Variants in PCDH9 observed in about 807,000 individuals in gnomAD.
The protein encoded by PCDH9 is protocadherin 9.
A neutral mutation model predicts 70.6 loss-of-function variants in PCDH9; 24 were observed. The ratio of observed to expected loss-of-function variants is 0.34; its 90% CI spans 0.25 to 0.48. The LOEUF is 0.48. PCDH9 is among the 20% of genes least tolerant of loss of function. The pLI is 0.99. For synonymous variants in PCDH9, 562 were observed against 558.5 expected (o/e 1.01, Z -0.09); for missense variants, 1,281 against 1,503.6 (o/e 0.85, Z 2.45).
intron 2 of PCDH9, among the ~76,000 whole-genome samples, chr13:66,944,854 T>TGTGA (rs1452250061): frequency 6.6e-6 from 1 of 151,546 alleles, no homozygotes; most frequent in Non-Finnish European, 1.5e-5. Context: ...TGTGTGTGTG[T>TGTGA]GTGATTTAAC....
At chr13:66,934,261 G>A (rs762995354) in intron 2 of PCDH9, among the ~76,000 whole-genome samples, 1 of 152,150 alleles carries the variant, frequency 6.6e-6, no homozygotes, top group Non-Finnish European at 1.5e-5. Context: ...CCCGGGTGCG[G>A]TGACTCCCAT....
intron 2 of PCDH9, among the ~76,000 whole-genome samples, chr13:67,061,405 C>G (rs757677849): frequency 6.6e-6 from 1 of 151,962 alleles, no homozygotes; most frequent in East Asian, 1.9e-4. Flanking sequence ...CTCCCTCTCT[C>G]TCTCTATATA....
chr13:66,808,531 G>C (rs1007839733), intron 3 of PCDH9, among the ~76,000 whole-genome samples: 1 of 151,226 alleles, frequency 6.6e-6, no homozygotes, highest in Non-Finnish European at 1.5e-5. Flanking sequence ...CAAAAAAACA[G>C]AATTAGCACA....
intron 4 of PCDH9, among the ~76,000 whole-genome samples, chr13:66,406,589 A>G (rs1387409684): frequency 6.6e-6 from 1 of 152,198 alleles, no homozygotes; most frequent in African/African-American, 2.4e-5. Context: ...TACTACACAT[A>G]TTCATCTTCG....
chr13:66,960,830 T>C (rs180799896), intron 2 of PCDH9, among the ~76,000 whole-genome samples: 4 of 152,278 alleles, frequency 2.6e-5, no homozygotes, highest in Non-Finnish European at 5.9e-5. Context: ...GTAAAAATCA[T>C]GCTTATTTTG....
At chr13:67,169,984 G>A (rs375805689) in intron 2 of PCDH9, among the ~76,000 whole-genome samples, 3 of 152,098 alleles carry the variant, frequency 2.0e-5, no homozygotes, top group Admixed American at 6.5e-5. Flanking sequence ...TAGAGCATCC[G>A]ATTATAATCC....
chr13:67,120,958 A>G (rs1203788981), intron 2 of PCDH9, among the ~76,000 whole-genome samples: 2 of 152,050 alleles, frequency 1.3e-5, no homozygotes, highest in East Asian at 1.9e-4. Flanking sequence ...ACATTATTCT[A>G]TTGAGAAGAA....
At chr13:67,086,265 T>C (rs907404231) in intron 2 of PCDH9, among the ~76,000 whole-genome samples, 2 of 152,234 alleles carry the variant, frequency 1.3e-5, no homozygotes, top group South Asian at 4.1e-4. Context: ...GGTTTTGTTA[T>C]ATAACATCAG....
intron 3 of PCDH9, among the ~76,000 whole-genome samples, chr13:66,667,434 T>A (rs1477410984): frequency 6.6e-6 from 1 of 152,058 alleles, no homozygotes; most frequent in Admixed American, 6.6e-5. Flanking sequence ...TATTTCCTTA[T>A]TTTTTTTCTC....
At chr13:66,863,322 T>G (rs2081515142) in intron 3 of PCDH9, among the ~76,000 whole-genome samples, 1 of 152,222 alleles carries the variant, frequency 6.6e-6, no homozygotes, top group South Asian at 2.1e-4. Context: ...GAGGATTAAT[T>G]GAGATAATGC....
intron 2 of PCDH9, chr13:67,204,185 A>C (rs1032073646): frequency 1.3e-5 from 2 of 152,150 alleles, no homozygotes; most frequent in Non-Finnish European, 2.9e-5. Flanking sequence ...AAAAGTGGCC[A>C]CAATTTTTGG....
intron 4 of PCDH9, among the ~76,000 whole-genome samples, chr13:66,472,325 T>C (rs1958635597): frequency 6.6e-6 from 1 of 152,012 alleles, no homozygotes; most frequent in Admixed American, 6.6e-5. Flanking sequence ...ATCCCAGAAC[T>C]TTGGGAGGCT....
intron 3 of PCDH9, among the ~76,000 whole-genome samples, chr13:66,653,384 C>A (rs117774118): frequency 0.015 from 2,247 of 152,174 alleles, 24 homozygotes; most frequent in Middle Eastern, 0.044. Flanking sequence ...AGAAGACATA[C>A]ATATGGCAAA....
chr13:66,600,202 A>T (rs1345720879), intron 4 of PCDH9, among the ~76,000 whole-genome samples: 1 of 151,954 alleles, frequency 6.6e-6, no homozygotes, highest in African/African-American at 2.4e-5. Flanking sequence ...ACTATTAAAA[A>T]TACTGTGTAG....
intron 2 of PCDH9, among the ~76,000 whole-genome samples, chr13:67,026,145 A>G (rs1331285365): frequency 6.6e-6 from 1 of 152,108 alleles, no homozygotes; most frequent in East Asian, 1.9e-4. Flanking sequence ...GCTGGATTAC[A>G]TTTATTGATT....
intron 4 of PCDH9, among the ~76,000 whole-genome samples, chr13:66,398,977 C>T (rs142804402): frequency 2.6e-5 from 4 of 152,194 alleles, no homozygotes; most frequent in East Asian, 1.9e-4. Context: ...GGGGAAAAAG[C>T]TTTGTATTTG....
chr13:67,190,718 T>G (rs2088887750), intron 2 of PCDH9, among the ~76,000 whole-genome samples: 3 of 152,070 alleles, frequency 2.0e-5, no homozygotes, highest in Admixed American at 2.0e-4. Context: ...GTATGAATAA[T>G]TTTACTATAA....
At chr13:67,132,445 T>C (rs1470071056) in intron 2 of PCDH9, among the ~76,000 whole-genome samples, 2 of 152,136 alleles carry the variant, frequency 1.3e-5, no homozygotes, top group Non-Finnish European at 2.9e-5. Flanking sequence ...TTAGGTGAGT[T>C]CACTATAAAG....
chr13:66,631,708 C>T (rs981190224), intron 3 of PCDH9, among the ~76,000 whole-genome samples: 7 of 151,936 alleles, frequency 4.6e-5, no homozygotes, highest in South Asian at 2.1e-4. Context: ...CTTATACTGT[C>T]GACAAAATTA....
Sources: allele counts gnomAD v4.1 joint callset (sites outside exome capture counted in the v4.1 genomes callset), GRCh38; gene constraint gnomAD v4.1.1; transcripts MANE v1.5; gene names NCBI Gene and HGNC (gene_info 2026-07-23, HGNC 2026-07-21).